KDM5B: variants seen among roughly 807,000 people sequenced by gnomAD.
The protein encoded by KDM5B is lysine demethylase 5B.
KDM5B carries 144 observed loss-of-function variants against 193.4 expected under a neutral mutation model. The ratio of observed to expected loss-of-function variants is 0.74; its 90% CI spans 0.65 to 0.86. The LOEUF is 0.86. Among genes scored for constraint, KDM5B ranks in the 40% least tolerant of loss-of-function variants. KDM5B has a pLI of 0.00. For missense variants in KDM5B, 1,833 were observed against 1,886.9 expected, an observed-to-expected ratio of 0.97 and a Z score of 0.53; for synonymous variants, 668 against 682.6, an observed-to-expected ratio of 0.98 and a Z score of 0.33.
At chr1:202,780,870 A>T (rs1312813357) in intron 1 of KDM5B, among the ~76,000 whole-genome samples, 1 of 151,928 alleles carries the variant, frequency 6.6e-6, no homozygotes, top group Non-Finnish European at 1.5e-5. Context: ...GACAAAAACC[A>T]CAATTACGTT....
intron 10 of KDM5B, 25 bp downstream of exon 10, chr1:202,756,333 A>G: frequency 6.4e-7 from 1 of 1,558,852 alleles, no homozygotes; most frequent in Non-Finnish European, 8.7e-7. Context: ...AAATACCTCA[A>G]TTTCCAAGCC....
chr1:202,742,050 A>C (rs1243064673), intron 18 of KDM5B, among the ~76,000 whole-genome samples: 1 of 149,728 alleles, frequency 6.7e-6, no homozygotes, highest in Admixed American at 6.7e-5. Flanking sequence ...TAATTTTTCT[A>C]TTTTTAGTAG....
chr1:202,753,115 C>G lies in KDM5B; in HGVS notation c.1539-48G>C, dbSNP rs1201945091. On this transcript the variant is annotated intron_variant, in intron 11 of 26. Coordinates refer to ENST00000367265, the MANE Select transcript of KDM5B (RefSeq NM_006618.5). The stretch of plus-strand genomic sequence containing the variant: ...AATCAATCTGCAACACCAACACAAA[C>G]AAAATGGGTTACCAGTTCATATTTT... 3.3e-6 allele frequency: 5 copies of G among 1,515,326 alleles called. No homozygotes were observed. The South Asian group carries it at 6.0e-5, about 18-fold the overall frequency. 93.9% of individuals were successfully genotyped at this position (1,515,326 alleles called of 1,614,324 possible).
chr1:202,724,571 TATGA>T lies in KDM5B; in HGVS notation c.*4461_*4464del, dbSNP rs1654614363. Reference sequence around the variant, plus strand: ...ATCATAGATAATGCATTATGGCTATTATGAATGAAGGCCCTCATCCCCAAACTAA... The same window carrying T: ...ATCATAGATAATGCATTATGGCTATTATGAAGGCCCTCATCCCCAAACTAA... On this transcript the variant is annotated 3_prime_UTR_variant, in exon 27 of 27. Coordinates refer to ENST00000367265, the MANE Select transcript of KDM5B (RefSeq NM_006618.5). The T allele has an allele frequency of 6.6e-6, 1 of 152,278 alleles. No homozygotes were observed. The highest frequency in any genetic ancestry group is 1.5e-5 in the Non-Finnish European group (1 of 68,042). The allele number at this position is 152,278 out of a possible 1,614,324, so 9.4% of individuals were successfully genotyped here.
rs966567448 is a variant in KDM5B, at chr1:202,747,900, T to C, written c.2016+1045A>G. On this transcript the variant is annotated intron_variant, in intron 14 of 26. Transcript: ENST00000367265. Reference sequence around the variant, plus strand: ...AAAATTCCAACAGGAATTGATTTGGTAGAAATCAATAAGCTGATTCTAAAA... The same window carrying C: ...AAAATTCCAACAGGAATTGATTTGGCAGAAATCAATAAGCTGATTCTAAAA... Among the ~76,000 whole-genome samples, 4 of 152,208 alleles carry C rather than the reference T, an allele frequency of 2.6e-5. No homozygotes were observed. In the East Asian group the frequency reaches 7.7e-4, roughly 29 times the overall value.
chr1:202,739,065 G>A (rs1655201710), intron 20 of KDM5B, among the ~76,000 whole-genome samples: 2 of 152,116 alleles, frequency 1.3e-5, no homozygotes, highest in African/African-American at 4.8e-5. Context: ...GCTTAGCTGG[G>A]CATTTAGTCA....
At position 202,729,969 on chromosome 1, in the gene KDM5B, C is replaced by T. The variant is rs748352336; in HGVS notation, c.4235G>A (p.Arg1412Lys). ...GGAGAGGCCCTCTCTTTCCAGGCGT[C>T]TCTTCAGTTTTCTCTCAAGACTGTT... ...GINSLERKLKRRLEREGLSSE... is the reference protein window; with the variant it reads ...GINSLERKLKKRLEREGLSSE... Residue 1412 changes from arginine (R) to lysine (K), a missense_variant, in exon 26 of 27, where the codon AGA becomes AAA. Transcript: ENST00000367265. 1.2e-6 allele frequency: 2 copies of T among 1,613,794 alleles called. No homozygotes were observed.
intron 1 of KDM5B, chr1:202,796,255 G>A (rs1657841189): frequency 9.8e-6 from 4 of 408,962 alleles, no homozygotes; most frequent in South Asian, 8.0e-5. Context: ...CTACAATGGT[G>A]TCCTGGAGCC....
intron 1 of KDM5B, among the ~76,000 whole-genome samples, chr1:202,805,933 A>G (rs1186247924): frequency 1.3e-5 from 2 of 152,202 alleles, no homozygotes; most frequent in Non-Finnish European, 1.5e-5. Context: ...GTCTCCAAAC[A>G]GAGTACTGGT....
At chr1:202,798,109 G>A (rs559948537) in intron 1 of KDM5B, among the ~76,000 whole-genome samples, 14 of 152,242 alleles carry the variant, frequency 9.2e-5, no homozygotes, top group Admixed American at 7.2e-4. Context: ...TGAGGTGGAA[G>A]GATGACTTGA....
Position 202,762,791 on chromosome 1 carries a change from T to C in KDM5B, c.826A>G (p.Ser276Gly). ...CTCTCAATAGGTTCTTGCTTGATGC[T>C]ACTCTTCATTTCTTTCTCTGTAGGA... Reference protein sequence around the residue: ...KCENEKEMKSSIKQEPIERKD... With the variant: ...KCENEKEMKSGIKQEPIERKD... The change falls in exon 7 of 27, where the codon AGC becomes GGC. Residue 276 changes from serine (S) to glycine (G), a missense_variant. Around this residue, in one of 3 missense-constraint regions of KDM5B, gnomAD observed 355 missense variants for 374.9 expected, o/e 0.95. Coordinates refer to ENST00000367265, the MANE Select transcript of KDM5B (RefSeq NM_006618.5). 6.2e-7 allele frequency: 1 copy of C among 1,601,086 alleles called. No homozygotes were observed. Among genetic ancestry groups the C allele is most frequent in the Non-Finnish European group, 8.6e-7 (1 of 1,168,206 alleles).
At chr1:202,747,219 G>C (rs1317824548) in intron 14 of KDM5B, among the ~76,000 whole-genome samples, 5 of 152,066 alleles carry the variant, frequency 3.3e-5, no homozygotes, top group Admixed American at 3.3e-4. Context: ...ATTAGATTTT[G>C]GTTTTATTCT....
rs1346351003 is a variant in KDM5B at position 202,725,413 on chromosome 1, T to A, written c.*3623A>T. The A allele has an allele frequency of 6.6e-6, 1 of 152,088 alleles. No homozygotes were observed. Among genetic ancestry groups the A allele is most frequent in the Non-Finnish European group, 1.5e-5 (1 of 67,948 alleles). 9.4% of individuals were successfully genotyped at this position (152,088 alleles called of 1,614,324 possible). A position where few individuals can be genotyped will look rare whatever the true frequency, so the allele number is the denominator to read the frequency against. ...AGGCAGCTTTTCAGTAACATTTCTA[T>A]AATAAGTTACACATGAAGCCTCCCA... On this transcript the variant is annotated 3_prime_UTR_variant, in exon 27 of 27. Transcript: ENST00000367265.
At chr1:202,796,174 T>G in intron 1 of KDM5B, 8 of 217,718 alleles carry the variant, frequency 3.7e-5, no homozygotes, top group South Asian at 2.3e-4. Context: ...TGGTGGCCAG[T>G]GAGCTGACAC....
chr1:202,783,315 G>T (rs997160280), intron 1 of KDM5B, among the ~76,000 whole-genome samples: 9 of 151,468 alleles, frequency 5.9e-5, no homozygotes, highest in African/African-American at 2.2e-4. Context: ...CCCAGACTCG[G>T]AAACATATTG....
At chr1:202,779,490 G>GA (rs1309309413) in intron 1 of KDM5B, among the ~76,000 whole-genome samples, 1 of 139,330 alleles carries the variant, frequency 7.2e-6, no homozygotes, top group Non-Finnish European at 1.6e-5. Context: ...AAAAAAAAAA[G>GA]AAAAAAAAGA....
intron 1 of KDM5B, among the ~76,000 whole-genome samples, chr1:202,794,337 A>G (rs989037459): frequency 2.0e-5 from 3 of 152,228 alleles, no homozygotes. Context: ...TTATGTGATT[A>G]GAGTAGTATT....
Position 202,808,365 on chromosome 1 carries a change from CGCTCGGTCCGAGACCCGT to C in KDM5B, c.-78_-61del. 6.9e-7 allele frequency: 1 copy of C among 1,452,080 alleles called. No individual in the cohort carries two copies. The highest frequency in any genetic ancestry group is 9.1e-7 in the Non-Finnish European group (1 of 1,093,738). The allele number at this position is 1,452,080 out of a possible 1,614,324, so 89.9% of individuals were successfully genotyped here. A position where few individuals can be genotyped will look rare whatever the true frequency, so the allele number is the denominator to read the frequency against. On this transcript the variant is annotated 5_prime_UTR_variant, in exon 1 of 27. Transcript: ENST00000367265. ...GCTCCGGGACCGAGGCTGCGAGCTC[CGCTCGGTCCGAGACCCGT>C]GCAGACGCGGCTCGAGCAACAGCAA...
chr1:202,776,400 A>T (rs1266924080), intron 2 of KDM5B, among the ~76,000 whole-genome samples: 2 of 151,910 alleles, frequency 1.3e-5, no homozygotes, highest in African/African-American at 4.8e-5. Context: ...TTAAAATTAT[A>T]TGGCAAGTAA....
Sources: allele counts gnomAD v4.1 joint callset (sites outside exome capture counted in the v4.1 genomes callset), GRCh38; gene constraint gnomAD v4.1.1; regional missense constraint gnomAD v4.1.1; transcripts MANE v1.5; gene names NCBI Gene and HGNC (gene_info 2026-07-23, HGNC 2026-07-21).